The following CNKSR2 variants were observed in gnomAD, a reference collection of about 807,000 sequenced individuals.
The protein encoded by CNKSR2 is CNK homolog protein 2.
CNKSR2 carries 14 observed loss-of-function variants against 84.4 expected under a neutral mutation model. That is an observed-to-expected ratio of 0.17 (90% CI 0.11 to 0.26). The LOEUF is 0.26. Ranked by LOEUF, CNKSR2 falls within the 10% of genes least tolerant of loss-of-function variation. The pLI, the probability that CNKSR2 is intolerant of heterozygous loss-of-function variation, is 1.00. For synonymous variants in CNKSR2, 275 were observed against 277.9 expected (o/e 0.99, Z 0.10); for missense variants, 485 against 771.2 (o/e 0.63, Z 4.40).
At chrX:21,460,356 A>C (rs1390336452) in intron 4 of CNKSR2, among the ~76,000 whole-genome samples, 1 of 111,804 alleles carries the variant, frequency 8.9e-6, no homozygotes, top group Admixed American at 9.5e-5. Context: ...ACTTAGAGTA[A>C]TGTTTAACTT....
intron 9 of CNKSR2, among the ~76,000 whole-genome samples, chrX:21,524,427 T>C (rs886578862): frequency 1.8e-5 from 2 of 111,154 alleles, no homozygotes; most frequent in African/African-American, 6.5e-5. Flanking sequence ...CTAATAACAT[T>C]AACTGATGAC....
intron 4 of CNKSR2, among the ~76,000 whole-genome samples, chrX:21,457,239 T>A (rs1729827352): frequency 8.9e-6 from 1 of 111,832 alleles, no homozygotes; most frequent in Admixed American, 9.5e-5. Flanking sequence ...TCCTGCTTGT[T>A]TATTTTTGCT....
chrX:21,395,997 A>T (rs2090117076), intron 1 of CNKSR2, among the ~76,000 whole-genome samples: 1 of 111,803 alleles, frequency 8.9e-6, no homozygotes, highest in South Asian at 3.7e-4. Flanking sequence ...GCAAATTCCT[A>T]AGACATTAGG....
intron 1 of CNKSR2, among the ~76,000 whole-genome samples, chrX:21,389,658 A>G (rs1214824032): frequency 1.8e-5 from 2 of 112,087 alleles, no homozygotes; most frequent in African/African-American, 6.5e-5. Flanking sequence ...TGGATCTAGC[A>G]ATCATTCAGT....
chrX:21,589,989 G>C (rs1278467068), intron 13 of CNKSR2, among the ~76,000 whole-genome samples: 1 of 111,074 alleles, frequency 9.0e-6, no homozygotes, highest in African/African-American at 3.3e-5. Flanking sequence ...GGTAGCTGAG[G>C]AGTGGGGAAG....
In CNKSR2 at chrX:21,653,702, T is replaced by C. The variant is rs2092725803; in HGVS notation, c.*1181T>C. On this transcript the variant is annotated 3_prime_UTR_variant, in exon 22 of 22. Coordinates refer to ENST00000379510, the MANE Select transcript of CNKSR2 (RefSeq NM_014927.5). ...ATTGTTCTATAGAGTGGATGAAGTC[T>C]AAGGAAAAGTCCTCTTCATATATTT... The C allele has an allele frequency of 9.0e-6, 1 of 111,007 alleles. No individual in the cohort carries two copies. The highest frequency in any genetic ancestry group is 3.8e-4 in the South Asian group (1 of 2,639). The allele number at this position is 111,007 out of a possible 1,213,427, so 9.1% of individuals were successfully genotyped here. A position where few individuals can be genotyped will look rare whatever the true frequency, so the allele number is the denominator to read the frequency against.
intron 10 of CNKSR2, among the ~76,000 whole-genome samples, 175 bp downstream of exon 10, chrX:21,527,175 A>C (rs945773099): frequency 3.6e-5 from 4 of 110,808 alleles, no homozygotes; most frequent in Non-Finnish European, 7.6e-5. Context: ...ATTAATAATA[A>C]TAATAACTAA....
intron 5 of CNKSR2, among the ~76,000 whole-genome samples, chrX:21,486,733 A>C (rs2091389134): frequency 8.9e-6 from 1 of 112,020 alleles, no homozygotes; most frequent in Non-Finnish European, 1.9e-5. Context: ...CTTTTTCTAG[A>C]ATATGCTTAG....
At chrX:21,651,571 C>T (rs2092721012) in intron 21 of CNKSR2, among the ~76,000 whole-genome samples, 1 of 111,940 alleles carries the variant, frequency 8.9e-6, no homozygotes, top group Non-Finnish European at 1.9e-5. Flanking sequence ...ATTTTCTACA[C>T]TTCCCTAAGC....
intron 20 of CNKSR2, among the ~76,000 whole-genome samples, chrX:21,631,133 G>A (rs2092646327): frequency 9.0e-6 from 1 of 110,545 alleles, no homozygotes; most frequent in South Asian, 3.8e-4. Flanking sequence ...ACCAGCCTGG[G>A]CAACATGGCA....
At chrX:21,407,224 G>A (rs1448679015) in intron 1 of CNKSR2, among the ~76,000 whole-genome samples, 4 of 111,860 alleles carry the variant, frequency 3.6e-5, no homozygotes, top group African/African-American at 1.3e-4. Context: ...TTATTAGAAG[G>A]TTGAAGTGAA....
At chrX:21,389,128 A>G (rs1367952420) in intron 1 of CNKSR2, among the ~76,000 whole-genome samples, 1 of 107,229 alleles carries the variant, frequency 9.3e-6, no homozygotes, top group Non-Finnish European at 1.9e-5. Context: ...CCGAACCAAT[A>G]CTCCACAAAA....
intron 4 of CNKSR2, among the ~76,000 whole-genome samples, chrX:21,450,343 A>G (rs751418651): frequency 1.8e-5 from 2 of 111,900 alleles, no homozygotes; most frequent in African/African-American, 3.2e-5. Context: ...TTTAGTATTT[A>G]TTAGGATTTT....
intron 20 of CNKSR2, among the ~76,000 whole-genome samples, chrX:21,636,914 T>A (rs2092674783): frequency 9.0e-6 from 1 of 111,641 alleles, no homozygotes; most frequent in South Asian, 3.7e-4. Context: ...ACATTTGCAA[T>A]GACAGTATCA....
At chrX:21,486,603 A>C (rs1268222809) in intron 5 of CNKSR2, among the ~76,000 whole-genome samples, 3 of 111,997 alleles carry the variant, frequency 2.7e-5, no homozygotes, top group Non-Finnish European at 5.6e-5. Context: ...TAAACGAGAT[A>C]ATAAATATGA....
intron 2 of CNKSR2, among the ~76,000 whole-genome samples, chrX:21,432,239 A>G (rs2090643573): frequency 8.9e-6 from 1 of 111,800 alleles, no homozygotes; most frequent in Admixed American, 9.6e-5. Context: ...TGTATTGTTA[A>G]TAGAATATCT....
chrX:21,596,528 T>G (rs1382783064), intron 17 of CNKSR2, among the ~76,000 whole-genome samples: 1 of 111,670 alleles, frequency 9.0e-6, no homozygotes, highest in Non-Finnish European at 1.9e-5. Flanking sequence ...TCTACCTTTC[T>G]CTAAAACAAT....
intron 8 of CNKSR2, chrX:21,505,067 T>G (rs1403006409): frequency 4.2e-6 from 1 of 237,403 alleles, no homozygotes; most frequent in African/African-American, 2.9e-5. Context: ...TTTTTTTAGC[T>G]GATGAGACTA....
chrX:21,440,875 C>T, intron 4 of CNKSR2, 94 bp downstream of exon 4: 1 of 488,407 alleles, frequency 2.0e-6, no homozygotes, highest in African/African-American at 2.4e-5. Context: ...TTTTAAGATA[C>T]TGGTTTAGAA....
Sources: allele counts gnomAD v4.1 joint callset (sites outside exome capture counted in the v4.1 genomes callset), GRCh38; gene constraint gnomAD v4.1.1; transcripts MANE v1.5; gene names NCBI Gene and HGNC (gene_info 2026-07-23, HGNC 2026-07-21).